The following NHS variants were observed in gnomAD, a reference collection of about 807,000 sequenced individuals.
The protein encoded by NHS is actin remodeling regulator NHS.
NHS carries 5 observed loss-of-function variants against 72.5 expected under a neutral mutation model. The observed-to-expected ratio is 0.07, with a 90% CI of 0.04 to 0.14. NHS has a LOEUF of 0.14. Ranked by LOEUF, NHS falls within the 10% of genes least tolerant of loss-of-function variation. The pLI is 1.00. For missense variants in NHS, 1,072 were observed against 1,355.7 expected (o/e 0.79, Z 3.29); for synonymous variants, 464 against 547.7 (o/e 0.85, Z 2.13).
chrX:17,538,124 G>A (rs2065238880), intron 1 of NHS, among the ~76,000 whole-genome samples: 1 of 111,923 alleles, frequency 8.9e-6, no homozygotes, highest in African/African-American at 3.2e-5. Flanking sequence ...CAGGTCAGGA[G>A]CATGAACTTC....
intron 1 of NHS, among the ~76,000 whole-genome samples, chrX:17,377,150 T>G (rs1412396289): frequency 1.8e-5 from 2 of 111,926 alleles, no homozygotes; most frequent in East Asian, 5.6e-4. Flanking sequence ...GTCGCCCAAA[T>G]TTACTGGCAC....
intron 1 of NHS, among the ~76,000 whole-genome samples, chrX:17,671,088 G>T (rs980854673): frequency 8.9e-6 from 1 of 112,062 alleles, no homozygotes; most frequent in Non-Finnish European, 1.9e-5. Flanking sequence ...GGCACTCCCA[G>T]TTCCTAATGC....
At position 17,735,317 on chromosome X, in the gene NHS, A is replaced by C. The variant is rs1004264426; in HGVS notation, c.*2853A>C. On this transcript the variant is annotated 3_prime_UTR_variant, in exon 9 of 9. Transcript: ENST00000676302. ...AAGACCAAGATTTAGGGCTGTCTTT[A>C]ACATCACTGCCGTCTTGAAGCAGGG... 8.8e-6 allele frequency: 1 copy of C among 113,151 alleles called. No individual in the cohort carries two copies. The highest frequency in any genetic ancestry group is 1.9e-5 in the Non-Finnish European group (1 of 53,366). The allele number at this position is 113,151 out of a possible 1,213,427, so 9.3% of individuals were successfully genotyped here. A position where few individuals can be genotyped will look rare whatever the true frequency, so the allele number is the denominator to read the frequency against.
chrX:17,418,105 A>C (rs766110854), intron 1 of NHS, among the ~76,000 whole-genome samples: 11 of 111,912 alleles, frequency 9.8e-5, no homozygotes, highest in Non-Finnish European at 1.5e-4. Flanking sequence ...TTAAGCATGA[A>C]GCCTGATATT....
chrX:17,677,168 C>T (rs1443057427), intron 1 of NHS, among the ~76,000 whole-genome samples: 2 of 111,838 alleles, frequency 1.8e-5, no homozygotes, highest in Non-Finnish European at 3.8e-5. Flanking sequence ...TTAAGTCTGC[C>T]TTTGAGGGCA....
At chrX:17,505,919 CCTT>C (rs767278674) in intron 1 of NHS, among the ~76,000 whole-genome samples, 23 of 110,836 alleles carry the variant, frequency 2.1e-4, no homozygotes, top group Non-Finnish European at 2.3e-4. Flanking sequence ...GGATCTTTTC[CCTT>C]CTTCTCTCCA....
rs187172926 is a variant in NHS at position 17,508,292 on chromosome X, G to T, written c.565+131970G>T. 8.5e-3 allele frequency among the ~76,000 whole-genome samples: 941 copies of T among 110,325 alleles called. 16 individuals are homozygous for T. The highest frequency in any genetic ancestry group is 0.029 in the African/African-American group (887 of 30,231). ...TGTCTCTATGGATTTGCCTATTCTG[G>T]ACATTTCATATAACTGGAATCATAC... On this transcript the variant is annotated intron_variant, in intron 1 of 8. Coordinates refer to ENST00000676302, the MANE Select transcript of NHS (RefSeq NM_001291867.2).
At chrX:17,515,613 G>C (rs2065115281) in intron 1 of NHS, among the ~76,000 whole-genome samples, 1 of 111,896 alleles carries the variant, frequency 8.9e-6, no homozygotes, top group African/African-American at 3.2e-5. Context: ...TTGAAGTCTG[G>C]AAAACCTTTT....
chrX:17,480,715 C>T (rs185163679), intron 1 of NHS, among the ~76,000 whole-genome samples: 1 of 111,882 alleles, frequency 8.9e-6, no homozygotes, highest in East Asian at 2.8e-4. Flanking sequence ...ACCATATTAG[C>T]CTGTGCATCT....
At chrX:17,576,509 T>C (rs936237266) in intron 1 of NHS, among the ~76,000 whole-genome samples, 1 of 111,720 alleles carries the variant, frequency 9.0e-6, no homozygotes, top group Non-Finnish European at 1.9e-5. Flanking sequence ...TTTCCCTTGA[T>C]TAAATAACCC....
chrX:17,410,504 G>A (rs991874197), intron 1 of NHS, among the ~76,000 whole-genome samples: 5 of 105,696 alleles, frequency 4.7e-5, no homozygotes, highest in Non-Finnish European at 9.7e-5. Context: ...CCTTTCTGAC[G>A]GCAACTCTCT....
intron 1 of NHS, among the ~76,000 whole-genome samples, chrX:17,598,821 C>T (rs2065636576): frequency 9.0e-6 from 1 of 111,049 alleles, no homozygotes; most frequent in African/African-American, 3.3e-5. Flanking sequence ...TGTACACTTC[C>T]TTGAATTTTC....
intron 1 of NHS, among the ~76,000 whole-genome samples, chrX:17,554,269 G>A (rs181913691): frequency 0.013 from 1,499 of 112,357 alleles, 32 homozygotes; most frequent in African/African-American, 0.046. Flanking sequence ...TCTGCTGTCC[G>A]TAAGGACAGC....
At chrX:17,610,958 C>T (rs1325730025) in intron 1 of NHS, among the ~76,000 whole-genome samples, 1 of 112,314 alleles carries the variant, frequency 8.9e-6, no homozygotes, top group African/African-American at 3.2e-5. Flanking sequence ...CTAAAGATTA[C>T]AGCAGATATG....
chrX:17,394,832 C>T (rs956889877), intron 1 of NHS, among the ~76,000 whole-genome samples: 9 of 111,124 alleles, frequency 8.1e-5, no homozygotes, highest in Non-Finnish European at 1.5e-4. Flanking sequence ...GAGGCAGATA[C>T]GAAACAAATT....
intron 1 of NHS, among the ~76,000 whole-genome samples, chrX:17,583,462 T>C (rs759663479): frequency 1.8e-5 from 2 of 112,522 alleles, no homozygotes; most frequent in East Asian, 2.8e-4. Flanking sequence ...ACAAGGTATC[T>C]TGTGTTCAAG....
At chrX:17,619,255 G>A (rs181376304) in intron 1 of NHS, among the ~76,000 whole-genome samples, 5 of 112,473 alleles carry the variant, frequency 4.4e-5, no homozygotes, top group African/African-American at 6.5e-5. Context: ...GTTGGAGAAG[G>A]TGGGGCCACA....
intron 1 of NHS, among the ~76,000 whole-genome samples, chrX:17,643,076 TTA>T (rs754121779): frequency 3.6e-5 from 4 of 111,903 alleles, no homozygotes; most frequent in Non-Finnish European, 7.5e-5. Flanking sequence ...CTCAGGAGGA[TTA>T]TGCTAATTGC....
chrX:17,427,337 A>C (rs2064662135), intron 1 of NHS, among the ~76,000 whole-genome samples: 1 of 112,037 alleles, frequency 8.9e-6, no homozygotes, highest in Non-Finnish European at 1.9e-5. Flanking sequence ...TTTTGCTTAC[A>C]GTCTTGCCAA....
Sources: gnomAD v4.1 joint callset for allele counts (sites outside exome capture counted in the v4.1 genomes callset) on GRCh38, gnomAD v4.1.1 for gene constraint, MANE v1.5 for transcripts, NCBI Gene and HGNC (gene_info 2026-07-23, HGNC 2026-07-21) for gene names.